Variants in CAST observed in about 807,000 individuals in gnomAD.
CAST encodes the protein MIR583 host.
A neutral mutation model predicts 119.6 loss-of-function variants in CAST; 76 were observed. The observed-to-expected ratio is 0.64, with a 90% confidence interval of 0.53 to 0.77. CAST has a LOEUF of 0.77. Ranked by LOEUF, CAST falls within the 30% of genes least tolerant of loss-of-function variation. The probability of loss-of-function intolerance (pLI) is 0.00; values close to 1 mark genes in which losing one functional copy is unlikely to be tolerated. For synonymous variants in CAST, 319 were observed against 331.6 expected, an observed-to-expected ratio of 0.96 and a Z score of 0.41; for missense variants, 953 against 946.5, an observed-to-expected ratio of 1.01 and a Z score of -0.09.
chr5:96,040,100 T>A, the CAST span, among the ~76,000 whole-genome samples: 6 of 152,188 alleles, frequency 3.9e-5, no homozygotes, highest in Non-Finnish European at 7.3e-5. Context: ...CCCTTGTAAG[T>A]TGGATTCCTA....
chr5:96,342,448 A>G, the CAST span, among the ~76,000 whole-genome samples: 4 of 152,104 alleles, frequency 2.6e-5, no homozygotes, highest in African/African-American at 9.7e-5. Flanking sequence ...TACATTTTGA[A>G]CAAGTGCTCA....
At chr5:96,390,941 T>C in the CAST span, 1 of 152,618 alleles carries the variant, frequency 6.6e-6, no homozygotes, top group East Asian at 1.9e-4. Flanking sequence ...AATATTTTGT[T>C]AGGAAGAATC....
chr5:96,626,996 C>A (rs984828303), intron 1 of CAST, among the ~76,000 whole-genome samples: 2 of 152,080 alleles, frequency 1.3e-5, no homozygotes, highest in Non-Finnish European at 2.9e-5. Context: ...TGGGAGAATA[C>A]AAATAAGTAT....
chr5:96,289,473 C>T, the CAST span, among the ~76,000 whole-genome samples: 68 of 152,174 alleles, frequency 4.5e-4, no homozygotes, highest in African/African-American at 1.6e-3. Context: ...GTAGTGAATA[C>T]GTCTCATGAG....
intron 1 of CAST, among the ~76,000 whole-genome samples, chr5:96,671,269 G>C (rs1010070840): frequency 6.6e-6 from 1 of 151,974 alleles, no homozygotes; most frequent in Admixed American, 6.6e-5. Context: ...ATCCTGTCCT[G>C]CTCTTCCTGT....
At chr5:96,486,201 G>A in the CAST span, among the ~76,000 whole-genome samples, 3 of 152,174 alleles carry the variant, frequency 2.0e-5, no homozygotes, top group Non-Finnish European at 4.4e-5. Context: ...AGCAAGGTGT[G>A]GGGATGTGCA....
At chr5:96,349,140 T>TA in the CAST span, among the ~76,000 whole-genome samples, 6 of 15,160 alleles carry the variant, frequency 4.0e-4, no homozygotes, top group Non-Finnish European at 9.0e-4. Flanking sequence ...AAGGACACTA[T>TA]TTTTTTTTTT....
At chr5:96,006,913 A>G in the CAST span, among the ~76,000 whole-genome samples, 5 of 152,350 alleles carry the variant, frequency 3.3e-5, no homozygotes, top group East Asian at 9.6e-4. Flanking sequence ...GTTCAGCAAA[A>G]GAAAATGACA....
Position 96,700,496 on chromosome 5 carries a change from TGAA to T in CAST, c.210+4592_210+4594del, listed in dbSNP as rs1372970642. 5.9e-5 allele frequency among the ~76,000 whole-genome samples: 9 copies of T among 152,306 alleles called. No individual in the cohort carries two copies. The East Asian group carries it at 1.7e-3, about 29-fold the overall frequency. On this transcript the variant is annotated intron_variant, in intron 3 of 31. Coordinates refer to ENST00000675179, the MANE Select transcript of CAST (RefSeq NM_001750.7). ...TGAGTCAGTGTGGGTTTTATTAAAA[TGAA>T]GATTCTGGTTTAGGAAGTCCAGGAT...
intron 1 of CAST, among the ~76,000 whole-genome samples, chr5:96,665,494 A>G (rs1749195519): frequency 6.6e-6 from 1 of 152,162 alleles, no homozygotes; most frequent in African/African-American, 2.4e-5. Context: ...GGCTATAGTA[A>G]TGGACAGTAT....
chr5:96,387,844 G>A, the CAST span, among the ~76,000 whole-genome samples: 1 of 152,134 alleles, frequency 6.6e-6, no homozygotes. Context: ...AGACATCATC[G>A]AGGTTTATAA....
chr5:96,087,576 A>T, the CAST span, among the ~76,000 whole-genome samples: 1 of 152,234 alleles, frequency 6.6e-6, no homozygotes, highest in African/African-American at 2.4e-5. Flanking sequence ...TACAATATGA[A>T]GATGAGTGTT....
rs183942468 is a variant in CAST, at chr5:96,534,646, G to A, written c.60+4766G>A. ...ATCATGCCACTGCACTCCAGCCTGG[G>A]CGGCAAAGTGAGACTTCATCAAAGA... is the stretch of plus-strand genomic sequence containing the variant. On this transcript the variant is annotated intron_variant, in intron 1 of 11. Coordinates refer to the CAST transcript ENST00000505143. Among the ~76,000 whole-genome samples the A allele has an allele frequency of 2.7e-5, 4 of 148,368 alleles. No individual in the cohort carries two copies. The East Asian group carries it at 8.0e-4, about 30-fold the overall frequency.
At chr5:96,582,525 C>T (rs920952357) in intron 1 of CAST, among the ~76,000 whole-genome samples, 2 of 152,160 alleles carry the variant, frequency 1.3e-5, no homozygotes, top group Non-Finnish European at 2.9e-5. Flanking sequence ...TGTCTAAGAT[C>T]GATGGAGCCT....
chr5:96,348,035 G>A, the CAST span, among the ~76,000 whole-genome samples: 1 of 152,174 alleles, frequency 6.6e-6, no homozygotes, highest in African/African-American at 2.4e-5. Context: ...GCCAGACAAT[G>A]TTTTAAGTAA....
intron 3 of CAST, among the ~76,000 whole-genome samples, chr5:96,718,441 C>T (rs1227298196): frequency 1.3e-5 from 2 of 152,034 alleles, no homozygotes; most frequent in African/African-American, 4.8e-5. Context: ...CTATCAGGTA[C>T]TGTGCTTATC....
chr5:96,618,114 G>C (rs951872889), intron 1 of CAST, among the ~76,000 whole-genome samples: 2 of 152,148 alleles, frequency 1.3e-5, no homozygotes. Flanking sequence ...CTCCATCCAC[G>C]CAGTCCTACA....
At chr5:95,975,499 A>C in the CAST span, among the ~76,000 whole-genome samples, 11,697 of 152,106 alleles carry the variant, frequency 0.077, 991 homozygotes, top group African/African-American at 0.21. Context: ...AAACTATTAC[A>C]CTTCAACTGA....
At chr5:96,490,354 C>CTGTGTGTG in the CAST span, among the ~76,000 whole-genome samples, 5,591 of 149,576 alleles carry the variant, frequency 0.037, 154 homozygotes, top group East Asian at 0.12. Flanking sequence ...ATGTGTGTGT[C>CTGTGTGTG]TGTGTGTGTG....
Sources: allele counts gnomAD v4.1 joint callset (sites outside exome capture counted in the v4.1 genomes callset), GRCh38; gene constraint gnomAD v4.1.1; transcripts MANE v1.5; gene names NCBI Gene and HGNC (gene_info 2026-07-23, HGNC 2026-07-21).